TTC6: variants seen among roughly 807,000 people sequenced by gnomAD.
The protein encoded by TTC6 is tetratricopeptide repeat protein 6.
TTC6 carries 172 observed loss-of-function variants against 210.4 expected under a neutral mutation model. That is an observed-to-expected ratio of 0.82 (90% CI 0.72 to 0.93). The LOEUF is 0.93. Among genes scored for constraint, TTC6 ranks in the 40% least tolerant of loss-of-function variants. The probability of loss-of-function intolerance (pLI) is 0.00; values close to 1 mark genes in which losing one functional copy is unlikely to be tolerated. For synonymous variants in TTC6, 804 were observed against 819.6 expected (o/e 0.98, Z 0.32); for missense variants, 2,414 against 2,318.1 (o/e 1.04, Z -0.85).
chr14:37,666,479 G>A (rs1478159880), intron 1 of TTC6, among the ~76,000 whole-genome samples: 1 of 148,582 alleles, frequency 6.7e-6, no homozygotes, highest in African/African-American at 2.4e-5. Flanking sequence ...AGCCATGGAT[G>A]TAAAGTATAG....
chr14:37,709,908 T>C (rs1394445172), intron 5 of TTC6, among the ~76,000 whole-genome samples: 1 of 152,190 alleles, frequency 6.6e-6, no homozygotes, highest in Non-Finnish European at 1.5e-5. Flanking sequence ...TTTCCAGACC[T>C]TGGCATCTGC....
chr14:37,694,278 A>G (rs2095810185), intron 3 of TTC6, among the ~76,000 whole-genome samples: 1 of 152,212 alleles, frequency 6.6e-6, no homozygotes, highest in African/African-American at 2.4e-5. Context: ...CTAACAATTT[A>G]TTTAAAAATA....
chr14:37,632,019 C>CT (rs2095670885), intron 1 of TTC6, among the ~76,000 whole-genome samples: 1 of 152,032 alleles, frequency 6.6e-6, no homozygotes, highest in Admixed American at 6.6e-5. Context: ...TTCCTCTAAC[C>CT]TTTTTTCAAG....
intron 10 of TTC6, among the ~76,000 whole-genome samples, chr14:37,747,016 C>G (rs555031672): frequency 1.3e-5 from 2 of 152,288 alleles, no homozygotes; most frequent in African/African-American, 4.8e-5. Context: ...TTAATAGATA[C>G]TGCAACTACT....
intron 6 of TTC6, among the ~76,000 whole-genome samples, chr14:37,721,628 G>A (rs1164650572): frequency 1.3e-5 from 2 of 151,788 alleles, no homozygotes; most frequent in Non-Finnish European, 2.9e-5. Flanking sequence ...ATGGAGGCTA[G>A]TTCAGTTCAC....
At chr14:37,757,722 G>T (rs1049163096) in intron 14 of TTC6, among the ~76,000 whole-genome samples, 1 of 151,796 alleles carries the variant, frequency 6.6e-6, no homozygotes, top group East Asian at 1.9e-4. Context: ...CTTCTCTTCT[G>T]CTAGCTTTTG....
chr14:37,668,638 A>G (rs1350412536), intron 1 of TTC6, among the ~76,000 whole-genome samples: 2 of 152,202 alleles, frequency 1.3e-5, no homozygotes, highest in East Asian at 3.9e-4. Context: ...CCAGAGACTC[A>G]TGGATACATC....
At chr14:37,814,556 G>A (rs1299070084) in intron 25 of TTC6, among the ~76,000 whole-genome samples, 1 of 152,024 alleles carries the variant, frequency 6.6e-6, no homozygotes, top group Non-Finnish European at 1.5e-5. Flanking sequence ...TATATTAAAT[G>A]GAAATAGTCA....
intron 6 of TTC6, among the ~76,000 whole-genome samples, chr14:37,721,144 C>A (rs2095861141): frequency 6.7e-6 from 1 of 150,160 alleles, no homozygotes; most frequent in African/African-American, 2.4e-5. Flanking sequence ...ATAATTGTTA[C>A]ATGATGATTT....
intron 1 of TTC6, among the ~76,000 whole-genome samples, chr14:37,604,686 T>C (rs574332709): frequency 6.6e-6 from 1 of 151,888 alleles, no homozygotes; most frequent in African/African-American, 2.4e-5. Context: ...AGAGGGGAGA[T>C]GAGGAAGAGG....
At chr14:37,684,743 T>C (rs1274908932) in intron 3 of TTC6, among the ~76,000 whole-genome samples, 2 of 152,204 alleles carry the variant, frequency 1.3e-5, no homozygotes, top group East Asian at 3.9e-4. Context: ...CTTTACACTG[T>C]ATGTGGACAT....
At chr14:37,797,099 C>A in intron 20 of TTC6, 152 bp downstream of exon 22, 1 of 718,798 alleles carries the variant, frequency 1.4e-6, no homozygotes, top group Non-Finnish European at 2.0e-6. Flanking sequence ...CTTTTTTGTG[C>A]CCCCTCTTAA....
At chr14:37,779,045 C>A (rs1478085568) in intron 14 of TTC6, among the ~76,000 whole-genome samples, 1 of 152,212 alleles carries the variant, frequency 6.6e-6, no homozygotes, top group Non-Finnish European at 1.5e-5. Context: ...AAGAAGCTCT[C>A]TGCCAGCTTA....
At chr14:37,792,776 T>G (rs2096083146) in intron 17 of TTC6, among the ~76,000 whole-genome samples, 2 of 140,042 alleles carry the variant, frequency 1.4e-5, no homozygotes, top group African/African-American at 2.7e-5. Flanking sequence ...TGGTCCAATG[T>G]TGTGTGTGTG....
chr14:37,711,124 C>G (rs2095843991), intron 5 of TTC6, among the ~76,000 whole-genome samples: 1 of 152,062 alleles, frequency 6.6e-6, no homozygotes, highest in African/African-American at 2.4e-5. Context: ...TGAGAACTAC[C>G]CAGCATCTCC....
chr14:37,600,535 T>C (rs2095613776), intron 1 of TTC6, among the ~76,000 whole-genome samples: 3 of 152,106 alleles, frequency 2.0e-5, no homozygotes, highest in Admixed American at 1.3e-4. Flanking sequence ...GTCTTTCAGT[T>C]GTCCCTGGTG....
chr14:37,775,085 G>T (rs2096032968), intron 14 of TTC6, among the ~76,000 whole-genome samples: 1 of 152,034 alleles, frequency 6.6e-6, no homozygotes, highest in Non-Finnish European at 1.5e-5. Flanking sequence ...ACACCCCTTT[G>T]TCATTTTTGA....
intron 1 of TTC6, among the ~76,000 whole-genome samples, chr14:37,660,393 C>G (rs996660389): frequency 2.0e-5 from 3 of 152,112 alleles, no homozygotes; most frequent in African/African-American, 7.2e-5. Flanking sequence ...CACCTCACCC[C>G]TGGACAGGCC....
At chr14:37,780,570 A>G (rs1445424937) in intron 14 of TTC6, among the ~76,000 whole-genome samples, 3 of 152,008 alleles carry the variant, frequency 2.0e-5, no homozygotes, top group African/African-American at 7.2e-5. Flanking sequence ...TCCCTGCAAA[A>G]GACATGTTCT....
Sources: gnomAD v4.1 joint callset for allele counts (sites outside exome capture counted in the v4.1 genomes callset) on GRCh38, gnomAD v4.1.1 for gene constraint, MANE v1.5 for transcripts, NCBI Gene and HGNC (gene_info 2026-07-23, HGNC 2026-07-21) for gene names.